Variants in ADGRG7 observed in about 807,000 individuals in gnomAD.
ADGRG7 encodes the protein adhesion G protein-coupled receptor G7, also known as G-protein coupled receptor 128.
A neutral mutation model predicts 88.6 loss-of-function variants in ADGRG7; 82 were observed. The observed-to-expected ratio is 0.93, with a 90% confidence interval of 0.77 to 1.11. ADGRG7 has a LOEUF of 1.11. Ranked by LOEUF, ADGRG7 falls within the 50% of genes most tolerant of loss-of-function variation. The pLI, the probability that ADGRG7 is intolerant of heterozygous loss-of-function variation, is 0.00. For synonymous variants in ADGRG7, 381 were observed against 345.2 expected, an observed-to-expected ratio of 1.10 and a Z score of -1.15; for missense variants, 945 against 953.4, an observed-to-expected ratio of 0.99 and a Z score of 0.12.
intron 11 of ADGRG7, among the ~76,000 whole-genome samples, chr3:100,652,177 A>G (rs990990542): frequency 6.6e-6 from 1 of 152,106 alleles, no homozygotes; most frequent in Non-Finnish European, 1.5e-5. Context: ...CTGGTCATTA[A>G]ACCTCTCAAT....
At chr3:100,648,414 A>G (rs1227290798) in intron 10 of ADGRG7, among the ~76,000 whole-genome samples, 2 of 152,220 alleles carry the variant, frequency 1.3e-5, no homozygotes, top group Non-Finnish European at 2.9e-5. Flanking sequence ...TACACTACGT[A>G]TAAGAAATAA....
At chr3:100,690,177 G>T (rs1275905618) in intron 15 of ADGRG7, among the ~76,000 whole-genome samples, 1 of 152,166 alleles carries the variant, frequency 6.6e-6, no homozygotes, top group African/African-American at 2.4e-5. Flanking sequence ...AGCTACTGAG[G>T]CTTGTGCATT....
At chr3:100,665,888 ATTGT>A (rs1350306868) in intron 14 of ADGRG7, among the ~76,000 whole-genome samples, 1 of 152,186 alleles carries the variant, frequency 6.6e-6, no homozygotes, top group African/African-American at 2.4e-5. Context: ...CTGTGATTTA[ATTGT>A]TTAATAAGTA....
chr3:100,666,941 A>C (rs559136566), intron 14 of ADGRG7, among the ~76,000 whole-genome samples: 26 of 152,308 alleles, frequency 1.7e-4, no homozygotes, highest in Non-Finnish European at 4.4e-5. Flanking sequence ...GACGCAGCAC[A>C]TGTTTCAGAG....
intron 11 of ADGRG7, among the ~76,000 whole-genome samples, chr3:100,652,416 ATAG>A (rs2094931175): frequency 6.6e-6 from 1 of 152,202 alleles, no homozygotes; most frequent in Non-Finnish European, 1.5e-5. Flanking sequence ...AACTTTAGGC[ATAG>A]TAATAAACCT....
At chr3:100,686,915 A>G (rs1296341186) in intron 15 of ADGRG7, among the ~76,000 whole-genome samples, 1 of 152,210 alleles carries the variant, frequency 6.6e-6, no homozygotes, top group East Asian at 1.9e-4. Context: ...AATTCTGTGA[A>G]GAAAGTCATT....
rs1181188994 is a variant in ADGRG7 at position 100,646,101 on chromosome 3, G to A, written c.1103G>A (p.Ser368Asn). 6.2e-7 allele frequency: 1 copy of A among 1,610,968 alleles called. No individual in the cohort carries two copies. Among genetic ancestry groups the A allele is most frequent in the South Asian group, 1.1e-5 (1 of 90,548 alleles). The change falls in exon 9 of 16, where the codon AGT becomes AAT. Residue 368 changes from serine to asparagine, a missense_variant. Transcript: ENST00000273352. ...DQSASVDMVF[S>N]PKYNQKEFQL... is the part of the protein sequence containing the mutation. Reference sequence around the variant, plus strand: ...AGTGCTTCTGTTGACATGGTCTTTAGTCCAAAGGTGAGTTTTTCATTGCAG... The same window carrying A: ...AGTGCTTCTGTTGACATGGTCTTTAATCCAAAGGTGAGTTTTTCATTGCAG...
At chr3:100,664,795 T>A (rs2094949734) in intron 14 of ADGRG7, among the ~76,000 whole-genome samples, 1 of 152,170 alleles carries the variant, frequency 6.6e-6, no homozygotes, top group South Asian at 2.1e-4. Flanking sequence ...TAGAAGTTAG[T>A]CACAAGAGTG....
At chr3:100,669,651 T>C (rs1211938389) in intron 15 of ADGRG7, among the ~76,000 whole-genome samples, 1 of 151,368 alleles carries the variant, frequency 6.6e-6, no homozygotes, top group African/African-American at 2.4e-5. Context: ...CACTTCAGGG[T>C]AAATGGGGTA....
At chr3:100,635,942 G>T in intron 5 of ADGRG7, 116 bp downstream of exon 5, 1 of 773,272 alleles carries the variant, frequency 1.3e-6, no homozygotes. Flanking sequence ...TTTGAGCATG[G>T]TTTAAGTTGC....
chr3:100,632,990 C>T (rs1044881780), intron 3 of ADGRG7, among the ~76,000 whole-genome samples: 11 of 152,202 alleles, frequency 7.2e-5, no homozygotes, highest in Admixed American at 6.5e-4. Context: ...GTCTCTCAGC[C>T]TAGCATTCTC....
chr3:100,675,043 A>G (rs1329284359), intron 15 of ADGRG7, among the ~76,000 whole-genome samples: 1 of 151,962 alleles, frequency 6.6e-6, no homozygotes, highest in African/African-American at 2.4e-5. Context: ...TCTGCAAACG[A>G]GGATAATTTG....
At chr3:100,617,683 A>G (rs1707245383) in intron 1 of ADGRG7, among the ~76,000 whole-genome samples, 1 of 152,130 alleles carries the variant, frequency 6.6e-6, no homozygotes, top group Non-Finnish European at 1.5e-5. Context: ...ATATGTGTGC[A>G]TGTGTCTTTA....
At chr3:100,666,261 C>T (rs1056421206) in intron 14 of ADGRG7, among the ~76,000 whole-genome samples, 2 of 152,068 alleles carry the variant, frequency 1.3e-5, no homozygotes, top group Admixed American at 1.3e-4. Context: ...ACCCGGGGAA[C>T]CAGCGTTCAG....
intron 6 of ADGRG7, among the ~76,000 whole-genome samples, chr3:100,642,844 A>T (rs1289189855): frequency 6.6e-6 from 1 of 152,220 alleles, no homozygotes; most frequent in African/African-American, 2.4e-5. Flanking sequence ...CATGCTTTGG[A>T]TCCTAAGGGG....
chr3:100,654,805 A>T, intron 11 of ADGRG7, 30 bp from the exon 12 acceptor site: 1 of 1,356,490 alleles, frequency 7.4e-7, no homozygotes, highest in Non-Finnish European at 1.0e-6. Context: ...GTTTCATTTA[A>T]TTTTTTTATA....
At chr3:100,630,508 T>C (rs962474773) in intron 2 of ADGRG7, among the ~76,000 whole-genome samples, 197 bp from the exon 3 acceptor site, 8 of 152,174 alleles carry the variant, frequency 5.3e-5, no homozygotes, top group African/African-American at 1.7e-4. Flanking sequence ...GAACCTGTTG[T>C]CTAACATACT....
At chr3:100,659,633 A>G in intron 13 of ADGRG7, 55 bp from the exon 14 acceptor site, 1 of 1,516,404 alleles carries the variant, frequency 6.6e-7, no homozygotes, top group South Asian at 1.2e-5. Flanking sequence ...TAGCACAAAG[A>G]CCAGTATGTA....
chr3:100,688,670 C>T (rs1318069707), intron 15 of ADGRG7, among the ~76,000 whole-genome samples: 3 of 152,128 alleles, frequency 2.0e-5, no homozygotes, highest in Non-Finnish European at 4.4e-5. Flanking sequence ...GTTCAGTTTC[C>T]ATGTAGTTGA....
Sources: gnomAD v4.1 joint callset for allele counts (sites outside exome capture counted in the v4.1 genomes callset) on GRCh38, gnomAD v4.1.1 for gene constraint, MANE v1.5 for transcripts, NCBI Gene and HGNC (gene_info 2026-07-23, HGNC 2026-07-21) for gene names.